The following SETBP1 variants were observed in gnomAD, a reference collection of about 807,000 sequenced individuals.
The protein encoded by SETBP1 is SET-binding protein.
A neutral mutation model predicts 101.0 loss-of-function variants in SETBP1; 9 were observed. That is an observed-to-expected ratio of 0.09 (90% CI 0.05 to 0.16). SETBP1 has a LOEUF of 0.16. SETBP1 is among the 10% of genes least tolerant of loss of function. SETBP1 has a pLI of 1.00. For missense variants in SETBP1, 1,858 were observed against 2,033.8 expected, an observed-to-expected ratio of 0.91 and a Z score of 1.66; for synonymous variants, 818 against 788.5, an observed-to-expected ratio of 1.04 and a Z score of -0.63.
At chr18:44,744,945 G>C (rs554497029) in intron 2 of SETBP1, among the ~76,000 whole-genome samples, 4 of 152,124 alleles carry the variant, frequency 2.6e-5, no homozygotes, top group Middle Eastern at 3.2e-3. Context: ...TTGTGTGGAC[G>C]TGGGGCTCCT....
At chr18:44,937,454 CA>C (rs34414710) in intron 3 of SETBP1, among the ~76,000 whole-genome samples, 20,945 of 83,286 alleles carry the variant, frequency 0.25, 971 homozygotes, top group African/African-American at 0.28. Flanking sequence ...GACTCCGTCT[CA>C]AAAAAAAAAA....
At chr18:44,954,521 A>T (rs1376031454) in intron 4 of SETBP1, among the ~76,000 whole-genome samples, 1 of 152,080 alleles carries the variant, frequency 6.6e-6, no homozygotes, top group Non-Finnish European at 1.5e-5. Flanking sequence ...ATATTTCCTG[A>T]AGGCAAGAAT....
chr18:44,873,323 G>A lies in SETBP1; in HGVS notation c.540+4040G>A, dbSNP rs541890410. Reference sequence around the variant, plus strand: ...CTTTGATCTTGATTTACCTTATTAAGCAAAGGAGTTGTGCAGCTTATTTCA... The same window carrying A: ...CTTTGATCTTGATTTACCTTATTAAACAAAGGAGTTGTGCAGCTTATTTCA... On this transcript the variant is annotated intron_variant, in intron 3 of 5. Coordinates refer to ENST00000649279, the MANE Select transcript of SETBP1 (RefSeq NM_015559.3). Among the ~76,000 whole-genome samples the A allele has an allele frequency of 2.0e-5, 3 of 152,286 alleles. No homozygotes were observed. In the South Asian group the frequency reaches 6.2e-4, roughly 32 times the overall value.
intron 2 of SETBP1, among the ~76,000 whole-genome samples, chr18:44,766,205 A>G (rs1223069538): frequency 6.6e-6 from 1 of 152,252 alleles, no homozygotes; most frequent in Non-Finnish European, 1.5e-5. Context: ...AATACAGGAC[A>G]TATGGAAAAT....
At chr18:44,733,812 C>T (rs1238538784) in intron 2 of SETBP1, among the ~76,000 whole-genome samples, 1 of 152,118 alleles carries the variant, frequency 6.6e-6, no homozygotes, top group Non-Finnish European at 1.5e-5. Context: ...CTATTCCTGT[C>T]CATTAGGGAG....
chr18:44,742,388 T>C (rs979371440), intron 2 of SETBP1, among the ~76,000 whole-genome samples: 1 of 152,242 alleles, frequency 6.6e-6, no homozygotes, highest in South Asian at 2.1e-4. Context: ...TCATGTCCTC[T>C]AGTTAGCACC....
chr18:44,887,774 A>C (rs2069681732), intron 3 of SETBP1, among the ~76,000 whole-genome samples: 1 of 152,154 alleles, frequency 6.6e-6, no homozygotes, highest in Non-Finnish European at 1.5e-5. Context: ...AGTAGTGAGC[A>C]AGTGGCCAAT....
intron 2 of SETBP1, among the ~76,000 whole-genome samples, chr18:44,752,499 A>G (rs140411288): frequency 2.6e-5 from 4 of 152,326 alleles, no homozygotes; most frequent in African/African-American, 9.6e-5. Flanking sequence ...GAGTAGGGAA[A>G]TGTGCAGCAT....
intron 3 of SETBP1, among the ~76,000 whole-genome samples, chr18:44,914,224 G>A (rs1162609872): frequency 6.6e-6 from 1 of 152,186 alleles, no homozygotes; most frequent in African/African-American, 2.4e-5. Flanking sequence ...TGAGTTACCT[G>A]GGATGGGAAT....
intron 2 of SETBP1, among the ~76,000 whole-genome samples, chr18:44,771,005 C>T (rs537440048): frequency 1.3e-5 from 2 of 152,012 alleles, no homozygotes; most frequent in African/African-American, 4.8e-5. Context: ...TTGAGCTGCC[C>T]ACTCTAGACT....
Position 44,967,639 on chromosome 18 carries a change from T to G in SETBP1, c.4000+14299T>G, listed in dbSNP as rs557110547. ...GAAGGATCCACCTCAGAGGTCAATC[T>G]AATTGTTGATCCACTCAGTTCCCTG... On this transcript the variant is annotated intron_variant, in intron 4 of 5. Coordinates refer to ENST00000649279, the MANE Select transcript of SETBP1 (RefSeq NM_015559.3). Among the ~76,000 whole-genome samples the G allele has an allele frequency of 2.6e-5, 4 of 152,320 alleles. No individual in the cohort carries two copies. The East Asian group carries it at 7.7e-4, about 29-fold the overall frequency.
At position 44,952,067 on chromosome 18, in the gene SETBP1, C is replaced by T. The variant is rs774982365; in HGVS notation, c.2727C>T (p.Thr909=). 2.5e-6 allele frequency: 4 copies of T among 1,614,120 alleles called. No individual in the cohort carries two copies. Among genetic ancestry groups the T allele is most frequent in the Non-Finnish European group, 3.4e-6 (4 of 1,180,034 alleles). The change falls in exon 4 of 6, where the codon ACC becomes ACT. Residue 909 remains threonine, a synonymous_variant. Transcript: ENST00000649279. ...ACCCGGAGGCCATTCCGTCCGACAC[C>T]AGCACAAAGAACCGGCATGGCCACC... ...LDNPEAIPSD[T]STKNRHGHRQ...
At chr18:44,992,911 A>C (rs905402653) in intron 4 of SETBP1, among the ~76,000 whole-genome samples, 23 of 152,084 alleles carry the variant, frequency 1.5e-4, no homozygotes, top group African/African-American at 5.5e-4. Flanking sequence ...AAAATTCCAG[A>C]CAAAATAAAA....
At chr18:44,941,954 G>A (rs2071098271) in intron 3 of SETBP1, among the ~76,000 whole-genome samples, 1 of 151,988 alleles carries the variant, frequency 6.6e-6, no homozygotes, top group Admixed American at 6.6e-5. Flanking sequence ...CCTGATTGTG[G>A]GTCCCATTTG....
chr18:45,045,250 G>A (rs979004084), intron 5 of SETBP1, among the ~76,000 whole-genome samples: 5 of 152,110 alleles, frequency 3.3e-5, no homozygotes, highest in Middle Eastern at 3.2e-3. Flanking sequence ...GGAGAAACCC[G>A]CTCTCTACTA....
intron 2 of SETBP1, among the ~76,000 whole-genome samples, chr18:44,824,427 C>G (rs1321022364): frequency 6.6e-6 from 1 of 152,118 alleles, no homozygotes; most frequent in Non-Finnish European, 1.5e-5. Flanking sequence ...ATGTGTATAT[C>G]TCACTCGATT....
At chr18:45,021,800 A>G (rs939727531) in intron 4 of SETBP1, among the ~76,000 whole-genome samples, 1 of 152,144 alleles carries the variant, frequency 6.6e-6, no homozygotes, top group Non-Finnish European at 1.5e-5. Context: ...ATAAGATTTG[A>G]TTTGCAAAAA....
chr18:44,776,477 T>A lies in SETBP1; in HGVS notation c.486+74645T>A, dbSNP rs560561072. Among the ~76,000 whole-genome samples, 66 of 152,322 alleles carry A rather than the reference T, an allele frequency of 4.3e-4. 1 individual carries two copies. Among genetic ancestry groups the A allele is most frequent in the African/African-American group, 1.5e-3 (62 of 41,582 alleles). ...GGAACTGTCTGGATAAGACTCCATC[T>A]AGCAAGTTAAAAACTCCCCAAAAGC... On this transcript the variant is annotated intron_variant, in intron 2 of 5. Transcript: ENST00000649279.
rs545117817 is a variant in SETBP1 at position 44,709,331 on chromosome 18, A to G, written c.486+7499A>G. Among the ~76,000 whole-genome samples the G allele has an allele frequency of 2.6e-5, 4 of 152,286 alleles. No homozygotes were observed. In the South Asian group the frequency reaches 8.3e-4, roughly 32 times the overall value. ...CTGAAGCATGGCTGGTGTGCTCTGT[A>G]TGTGAAATTCTAGATGAGGAGTACA... On this transcript the variant is annotated intron_variant, in intron 2 of 5. Transcript: ENST00000649279.
Sources: gnomAD v4.1 joint callset for allele counts (sites outside exome capture counted in the v4.1 genomes callset) on GRCh38, gnomAD v4.1.1 for gene constraint, MANE v1.5 for transcripts, NCBI Gene and HGNC (gene_info 2026-07-23, HGNC 2026-07-21) for gene names.